The following BICC1 variants were observed in gnomAD, a reference collection of about 807,000 sequenced individuals.
BICC1 encodes BicC family RNA binding protein 1, also known as protein bicaudal C homolog 1.
A neutral mutation model predicts 111.0 loss-of-function variants in BICC1; 43 were observed. That is an observed-to-expected ratio of 0.39 (90% CI 0.30 to 0.50). The LOEUF is 0.50. BICC1 is among the 20% of genes least tolerant of loss of function. BICC1 has a pLI of 0.88. For missense variants in BICC1, 1,091 were observed against 1,203.2 expected (o/e 0.91, Z 1.38); for synonymous variants, 467 against 434.4 (o/e 1.07, Z -0.93).
intron 1 of BICC1, among the ~76,000 whole-genome samples, chr10:58,573,559 A>G (rs1430223422): frequency 1.3e-5 from 2 of 152,094 alleles, no homozygotes; most frequent in Non-Finnish European, 2.9e-5. Context: ...ATGGCAAGGT[A>G]AGGGCTGTAG....
At chr10:58,543,452 A>G (rs1254166367) in intron 1 of BICC1, among the ~76,000 whole-genome samples, 1 of 152,156 alleles carries the variant, frequency 6.6e-6, no homozygotes, top group Non-Finnish European at 1.5e-5. Flanking sequence ...ATGTGCATGT[A>G]GTCAACACTA....
chr10:58,823,362 C>A (rs1281456587), intron 20 of BICC1: 1 of 985,148 alleles, frequency 1.0e-6, no homozygotes, highest in Non-Finnish European at 1.2e-6. Context: ...AGGAGTTTGC[C>A]TTATCATTTA....
chr10:58,528,780 T>G (rs1649016), intron 1 of BICC1, among the ~76,000 whole-genome samples: 1 of 151,118 alleles, frequency 6.6e-6, no homozygotes, highest in Non-Finnish European at 1.5e-5. Context: ...GTTCCAGTAT[T>G]CCGGGTCTTC....
At chr10:58,687,769 C>T (rs1564554413) in intron 2 of BICC1, among the ~76,000 whole-genome samples, 1 of 152,138 alleles carries the variant, frequency 6.6e-6, no homozygotes, top group Non-Finnish European at 1.5e-5. Context: ...ACTATTCTGT[C>T]ACGGCTTCCC....
Position 58,680,453 on chromosome 10 carries a change from A to G in BICC1, c.238-21621A>G, listed in dbSNP as rs1839482961. 2.0e-5 allele frequency among the ~76,000 whole-genome samples: 3 copies of G among 152,186 alleles called. No individual in the cohort carries two copies. The South Asian group carries it at 6.2e-4, about 31-fold the overall frequency. On this transcript the variant is annotated intron_variant, in intron 2 of 20. Transcript: ENST00000373886. ...CTACAAAAAGAATAAAATACCTAGG[A>G]ATACAACTTACAAGGAATGTGAAGG...
chr10:58,526,830 A>T (rs1289801913), intron 1 of BICC1, among the ~76,000 whole-genome samples: 6 of 152,000 alleles, frequency 3.9e-5, no homozygotes, highest in East Asian at 3.9e-4. Flanking sequence ...TCTATCATTG[A>T]TGGACATTTG....
intron 2 of BICC1, among the ~76,000 whole-genome samples, chr10:58,639,072 CT>C (rs543659426): frequency 3.3e-5 from 5 of 151,986 alleles, no homozygotes; most frequent in Non-Finnish European, 5.9e-5. Flanking sequence ...ATATAATTAT[CT>C]TTTTTGTGGT....
chr10:58,682,926 G>A (rs1332725557), intron 2 of BICC1, among the ~76,000 whole-genome samples: 1 of 152,196 alleles, frequency 6.6e-6, no homozygotes, highest in Non-Finnish European at 1.5e-5. Flanking sequence ...TGTTGCCATT[G>A]CTTTGGTGTT....
At chr10:58,606,440 A>AC (rs1164303255) in intron 1 of BICC1, among the ~76,000 whole-genome samples, 2 of 118,258 alleles carry the variant, frequency 1.7e-5, no homozygotes, top group African/African-American at 3.2e-5. Context: ...GAGGGATAGC[A>AC]TTGGGAGATA....
intron 2 of BICC1, among the ~76,000 whole-genome samples, chr10:58,687,284 C>T (rs1366312087): frequency 6.6e-6 from 1 of 152,192 alleles, no homozygotes; most frequent in Admixed American, 6.5e-5. Flanking sequence ...TCGGCCTCCA[C>T]TGGGAGGTGT....
At chr10:58,566,353 T>C (rs1843764077) in intron 1 of BICC1, among the ~76,000 whole-genome samples, 1 of 152,058 alleles carries the variant, frequency 6.6e-6, no homozygotes, top group Non-Finnish European at 1.5e-5. Context: ...TACACATATA[T>C]ATATACACAC....
intron 2 of BICC1, among the ~76,000 whole-genome samples, chr10:58,677,243 A>T (rs1839374293): frequency 6.6e-6 from 1 of 152,194 alleles, no homozygotes; most frequent in South Asian, 2.1e-4. Flanking sequence ...GTAGGTAATA[A>T]CAGACTCCTC....
At chr10:58,729,818 A>T (rs763927074) in intron 3 of BICC1, among the ~76,000 whole-genome samples, 7 of 152,242 alleles carry the variant, frequency 4.6e-5, no homozygotes, top group Non-Finnish European at 1.0e-4. Context: ...ACCAAGGGGG[A>T]CGCTGTTAAA....
intron 2 of BICC1, among the ~76,000 whole-genome samples, chr10:58,698,672 C>T (rs1840137594): frequency 6.6e-6 from 1 of 152,108 alleles, no homozygotes; most frequent in Non-Finnish European, 1.5e-5. Flanking sequence ...GTATCTAGGA[C>T]AGTGCCTGTC....
chr10:58,722,333 A>G (rs1840965135), intron 3 of BICC1, among the ~76,000 whole-genome samples: 3 of 152,190 alleles, frequency 2.0e-5, no homozygotes, highest in Admixed American at 2.0e-4. Flanking sequence ...ACCTTATTCT[A>G]GCGGAGAAGG....
chr10:58,592,738 C>A (rs11006199), intron 1 of BICC1, among the ~76,000 whole-genome samples: 2 of 150,120 alleles, frequency 1.3e-5, no homozygotes, highest in East Asian at 3.9e-4. Flanking sequence ...ATAGCTGGGC[C>A]TGTTGGCGTG....
intron 1 of BICC1, among the ~76,000 whole-genome samples, chr10:58,563,550 A>G (rs1046961309): frequency 2.6e-5 from 4 of 152,058 alleles, no homozygotes; most frequent in African/African-American, 9.7e-5. Context: ...GCTTTTTGCC[A>G]CTTCCTTGCT....
At chr10:58,742,478 C>T (rs918153822) in intron 3 of BICC1, among the ~76,000 whole-genome samples, 2 of 139,808 alleles carry the variant, frequency 1.4e-5, no homozygotes, top group African/African-American at 5.2e-5. Context: ...CACTCTGTTG[C>T]CCAGGCTGGA....
intron 1 of BICC1, among the ~76,000 whole-genome samples, chr10:58,615,609 G>A (rs1845577731): frequency 6.6e-6 from 1 of 152,116 alleles, no homozygotes; most frequent in Non-Finnish European, 1.5e-5. Context: ...ACGATTCCTT[G>A]AGTGTTCTTT....
Sources: gnomAD v4.1 joint callset for allele counts (sites outside exome capture counted in the v4.1 genomes callset) on GRCh38, gnomAD v4.1.1 for gene constraint, MANE v1.5 for transcripts, NCBI Gene and HGNC (gene_info 2026-07-23, HGNC 2026-07-21) for gene names.